DRG1: variants seen among roughly 807,000 people sequenced by gnomAD.
The protein encoded by DRG1 is developmentally regulated GTP binding protein 1.
Under a neutral mutation model 38.8 loss-of-function variants are expected in DRG1, and 19 were observed. That is an observed-to-expected ratio of 0.49 (90% confidence interval 0.34 to 0.72). The LOEUF is 0.72. DRG1 is among the 30% of genes least tolerant of loss of function. The probability of loss-of-function intolerance (pLI) is 0.01; values close to 1 mark genes in which losing one functional copy is unlikely to be tolerated. For synonymous variants in DRG1, 167 were observed against 157.5 expected, an observed-to-expected ratio of 1.06 and a Z score of -0.45; for missense variants, 299 against 444.8, an observed-to-expected ratio of 0.67 and a Z score of 2.95.
chr22:31,400,333 A>C (rs1291802505), intron 1 of DRG1, among the ~76,000 whole-genome samples: 1 of 152,070 alleles, frequency 6.6e-6, no homozygotes. Flanking sequence ...CCAGTGTTAG[A>C]TGGATCCAAA....
intron 3 of DRG1, among the ~76,000 whole-genome samples, chr22:31,404,346 T>TCTCCCGCTTCAGCCTC (rs1325479249): frequency 6.6e-6 from 1 of 151,332 alleles, no homozygotes; most frequent in Non-Finnish European, 1.5e-5. Context: ...ATCCAGTGAT[T>TCTCCCGCTTCAGCCTC]CTCCCGCTTC....
At chr22:31,402,166 G>T (rs969192748) in intron 2 of DRG1, among the ~76,000 whole-genome samples, 2 of 152,054 alleles carry the variant, frequency 1.3e-5, no homozygotes, top group Non-Finnish European at 2.9e-5. Context: ...AAGGGAAAAC[G>T]TAGGAAAAAT....
intron 7 of DRG1, 24 bp downstream of exon 7, chr22:31,426,806 T>TTTAC (rs777635844): frequency 1.2e-6 from 2 of 1,610,820 alleles, no homozygotes; most frequent in South Asian, 1.1e-5. Flanking sequence ...GATAGGGTAA[T>TTTAC]GTTGCTATAG....
chr22:31,417,657 A>G (rs148664066), intron 4 of DRG1, among the ~76,000 whole-genome samples: 612 of 151,348 alleles, frequency 4.0e-3, no homozygotes, highest in African/African-American at 0.014. Context: ...TCCAGCCTGC[A>G]TGACAGAGCA....
Position 31,434,008 on chromosome 22 carries a change from A to G in DRG1, c.*37A>G, listed in dbSNP as rs1201790289. ...TTTCCCATCTGCCGGACGAACCACA[A>G]CAGCGTTCCCCATGATCAAGCACCC... On this transcript the variant is annotated 3_prime_UTR_variant, in exon 9 of 9. Transcript: ENST00000331457. The G allele has an allele frequency of 1.3e-6, 2 of 1,588,426 alleles. No individual in the cohort carries two copies.
At position 31,426,718 on chromosome 22, in the gene DRG1, C is replaced by T; in HGVS notation, c.817C>T (p.His273Tyr). Residue 273 changes from histidine to tyrosine, a missense_variant, in exon 7 of 9, where the codon CAT becomes TAT. Around this residue, in one of 3 missense-constraint regions of DRG1, gnomAD observed 198 missense variants for 268.1 expected, o/e 0.74. Transcript: ENST00000331457. ...KVPHCVPISA[H>Y]HRWNFDDLLE... ...GCCTCACTGTGTACCCATCTCTGCC[C>T]ATCACCGCTGGAATTTTGATGACCT... 2 of 1,614,174 alleles carry T rather than the reference C, an allele frequency of 1.2e-6. No individual in the cohort carries two copies. Among genetic ancestry groups the T allele is most frequent in the Non-Finnish European group, 1.7e-6 (2 of 1,180,032 alleles).
chr22:31,405,188 A>G (rs1279841003), intron 3 of DRG1, among the ~76,000 whole-genome samples: 2 of 137,394 alleles, frequency 1.5e-5, no homozygotes, highest in Non-Finnish European at 1.6e-5. Flanking sequence ...TTTTTTTTTG[A>G]GACAGAGTCT....
At chr22:31,426,803 T>C in intron 7 of DRG1, 21 bp downstream of exon 7, 2 of 1,610,940 alleles carry the variant, frequency 1.2e-6, no homozygotes, top group Non-Finnish European at 1.7e-6. Flanking sequence ...GTGGATAGGG[T>C]AATGTTGCTA....
intron 3 of DRG1, among the ~76,000 whole-genome samples, chr22:31,405,675 G>GT (rs1030188174): frequency 4.0e-5 from 6 of 150,482 alleles, no homozygotes; most frequent in Admixed American, 3.3e-4. Flanking sequence ...GCATGTGTGT[G>GT]TGTGTGGGGG....
chr22:31,428,236 G>T (rs1267069638), intron 8 of DRG1, among the ~76,000 whole-genome samples: 2 of 150,810 alleles, frequency 1.3e-5, no homozygotes, highest in Admixed American at 6.6e-5. Flanking sequence ...TTTTGAGACG[G>T]AGTCTCGCTG....
intron 3 of DRG1, among the ~76,000 whole-genome samples, chr22:31,410,342 C>T (rs527811315): frequency 6.6e-6 from 1 of 151,916 alleles, no homozygotes; most frequent in Admixed American, 6.6e-5. Flanking sequence ...GTAGTCCCAG[C>T]TACTCGGGAA....
At chr22:31,403,239 A>C in intron 3 of DRG1, 35 bp downstream of exon 3, 1 of 1,564,156 alleles carries the variant, frequency 6.4e-7, no homozygotes, top group Non-Finnish European at 8.7e-7. Context: ...AAGGAAAGAA[A>C]TCTATTCTTC....
intron 2 of DRG1, 60 bp downstream of exon 2, chr22:31,400,803 A>G: frequency 6.4e-7 from 1 of 1,559,970 alleles, no homozygotes; most frequent in Admixed American, 1.7e-5. Flanking sequence ...AATAGTACAT[A>G]CATGTGGTTT....
chr22:31,432,100 G>T (rs954741503), intron 8 of DRG1, among the ~76,000 whole-genome samples: 1 of 150,900 alleles, frequency 6.6e-6, no homozygotes, highest in Non-Finnish European at 1.5e-5. Flanking sequence ...TTGAGATAGG[G>T]TCTTGTTCTG....
intron 8 of DRG1, among the ~76,000 whole-genome samples, chr22:31,431,160 G>A (rs1375562198): frequency 1.3e-5 from 2 of 148,832 alleles, no homozygotes; most frequent in South Asian, 4.3e-4. Flanking sequence ...TCAGCCTCCC[G>A]AGTAGCTGGA....
At chr22:31,408,620 G>A (rs2050002125) in intron 3 of DRG1, among the ~76,000 whole-genome samples, 1 of 151,830 alleles carries the variant, frequency 6.6e-6, no homozygotes, top group African/African-American at 2.4e-5. Flanking sequence ...GGGCATGGTG[G>A]CGAGCACCTG....
Position 31,420,434 on chromosome 22 carries a change from G to A in DRG1, c.582+9G>A. The A allele has an allele frequency of 6.2e-7, 1 of 1,614,032 alleles. No individual in the cohort carries two copies. Among genetic ancestry groups the A allele is most frequent in the Non-Finnish European group, 8.5e-7 (1 of 1,179,952 alleles). On this transcript the variant is annotated intron_variant, in intron 5 of 8. Coordinates refer to ENST00000331457, the MANE Select transcript of DRG1 (RefSeq NM_004147.4). Reference sequence around the variant, plus strand: ...TTAATCTCACAGCCACTGTAAGTGGGGAATATGACATGGGGCAGGCTGCTG... The same window carrying A: ...TTAATCTCACAGCCACTGTAAGTGGAGAATATGACATGGGGCAGGCTGCTG...
intron 3 of DRG1, among the ~76,000 whole-genome samples, chr22:31,405,790 G>C (rs1384770183): frequency 2.0e-5 from 3 of 151,996 alleles, no homozygotes; most frequent in Non-Finnish European, 4.4e-5. Flanking sequence ...CCGGGTTCAA[G>C]TGATTCTCCT....
chr22:31,406,434 G>C (rs1021127963), intron 3 of DRG1, among the ~76,000 whole-genome samples: 1 of 151,980 alleles, frequency 6.6e-6, no homozygotes, highest in Non-Finnish European at 1.5e-5. Context: ...ATTCATGTTG[G>C]TGAGCTTTTA....
Sources: allele counts gnomAD v4.1 joint callset (sites outside exome capture counted in the v4.1 genomes callset), GRCh38; gene constraint gnomAD v4.1.1; regional missense constraint gnomAD v4.1.1; transcripts MANE v1.5; gene names NCBI Gene and HGNC (gene_info 2026-07-23, HGNC 2026-07-21).